PCSK1: variants seen among roughly 807,000 people sequenced by gnomAD.
PCSK1 encodes neuroendocrine convertase 1.
PCSK1 carries 56 observed loss-of-function variants against 90.6 expected under a neutral mutation model. The ratio of observed to expected loss-of-function variants is 0.62; its 90% confidence interval spans 0.50 to 0.77. The LOEUF (loss-of-function observed/expected upper bound fraction) is 0.77. Among genes scored for constraint, PCSK1 ranks in the 30% least tolerant of loss-of-function variants. The pLI, the probability that PCSK1 is intolerant of heterozygous loss-of-function variation, is 0.00. For missense variants in PCSK1, 801 were observed against 932.6 expected (o/e 0.86, Z 1.84); for synonymous variants, 348 against 342.4 (o/e 1.02, Z -0.18).
intron 4 of PCSK1, among the ~76,000 whole-genome samples, chr5:96,422,898 A>C (rs1761172022): frequency 6.7e-6 from 1 of 149,178 alleles, no homozygotes; most frequent in African/African-American, 2.6e-5. Context: ...GCATGGAAGG[A>C]ATCACATTCA....
chr5:96,402,599 G>A (rs1760420209), intron 9 of PCSK1, among the ~76,000 whole-genome samples: 1 of 152,194 alleles, frequency 6.6e-6, no homozygotes, highest in African/African-American at 2.4e-5. Context: ...GCAGTGAGAT[G>A]ACCCTCAAGT....
intron 6 of PCSK1, among the ~76,000 whole-genome samples, chr5:96,413,847 C>T (rs1265262735): frequency 9.8e-5 from 14 of 143,040 alleles, no homozygotes; most frequent in Non-Finnish European, 1.5e-4. Context: ...CGGCCAGGTG[C>T]GGTGGCTCAC....
At position 96,392,868 on chromosome 5, in the gene PCSK1, A is replaced by G; in HGVS notation, c.*133T>C. 1.1e-6 allele frequency: 1 copy of G among 899,504 alleles called. No homozygotes were observed. The highest frequency in any genetic ancestry group is 1.8e-6 in the Non-Finnish European group (1 of 556,500). 55.7% of individuals were successfully genotyped at this position (899,504 alleles called of 1,614,324 possible). ...TCCCCTTCACATGTACAGTTTAGGGAGAAAAAGAAAAGGTGCCACAAAGGA... is the reference window on the plus strand; with the variant it reads ...TCCCCTTCACATGTACAGTTTAGGGGGAAAAAGAAAAGGTGCCACAAAGGA... On this transcript the variant is annotated 3_prime_UTR_variant, in exon 14 of 14. Transcript: ENST00000311106.
intron 6 of PCSK1, among the ~76,000 whole-genome samples, chr5:96,414,952 G>A (rs2112427765): frequency 6.6e-6 from 1 of 152,246 alleles, no homozygotes; most frequent in African/African-American, 2.4e-5. Flanking sequence ...TTTCTAAAAA[G>A]AAATGCATAA....
Position 96,425,816 on chromosome 5 carries a change from T to C in PCSK1, c.396+4A>G. ...ACCCACATAGTCCTTCTGTAGGTAC[T>C]TACCAAGTACCATTGCTGATTCCAC... On this transcript the variant is annotated splice_donor_region_variant and intron_variant, in intron 3 of 13. Coordinates refer to ENST00000311106, the MANE Select transcript of PCSK1 (RefSeq NM_000439.5). 1 of 1,514,786 alleles carries C rather than the reference T, an allele frequency of 6.6e-7. No individual in the cohort carries two copies. Among genetic ancestry groups the C allele is most frequent in the Non-Finnish European group, 9.2e-7 (1 of 1,089,270 alleles). 93.8% of individuals were successfully genotyped at this position (1,514,786 alleles called of 1,614,324 possible).
In PCSK1 at chr5:96,410,895, C is replaced by A; in HGVS notation, c.974G>T (p.Ser325Ile). The A allele has an allele frequency of 6.2e-7, 1 of 1,613,196 alleles. No homozygotes were observed. Among genetic ancestry groups the A allele is most frequent in the Admixed American group, 1.7e-5 (1 of 59,962 alleles). Reference protein sequence around the residue: ...DNCDCDGYTDSIYTISISSAS... With the variant: ...DNCDCDGYTDIIYTISISSAS... ...ACTGCTGATGGAGATGGTGTAGATGCTGTCTGTGTAGCCATCACAGTCACA... is the reference window on the plus strand; with the variant it reads ...ACTGCTGATGGAGATGGTGTAGATGATGTCTGTGTAGCCATCACAGTCACA... The change falls in exon 8 of 14, where the codon AGC (serine) becomes ATC (isoleucine). Residue 325 changes from serine to isoleucine, a missense_variant. Coordinates refer to ENST00000311106, the MANE Select transcript of PCSK1 (RefSeq NM_000439.5).
At chr5:96,395,070 A>G in intron 12 of PCSK1, 45 bp from the exon 13 acceptor site, 1 of 1,426,980 alleles carries the variant, frequency 7.0e-7, no homozygotes, top group Non-Finnish European at 9.9e-7. Context: ...TTTAGATAAT[A>G]TAAAACAAAC....
At chr5:96,429,178 G>C (rs1336489764) in intron 2 of PCSK1, 35 bp downstream of exon 2, 1 of 1,026,914 alleles carries the variant, frequency 9.7e-7, no homozygotes, top group South Asian at 1.3e-5. Flanking sequence ...AGATAAGCTA[G>C]AGTATTGGTT....
chr5:96,403,601 G>T (rs1190578157), intron 9 of PCSK1, among the ~76,000 whole-genome samples: 2 of 152,110 alleles, frequency 1.3e-5, no homozygotes, highest in African/African-American at 4.8e-5. Flanking sequence ...GCATTGAGTG[G>T]CTAATCAAAG....
chr5:96,412,209 T>C (rs751102383), intron 7 of PCSK1, 109 bp downstream of exon 7: 12 of 991,778 alleles, frequency 1.2e-5, no homozygotes, highest in Non-Finnish European at 1.9e-5. Flanking sequence ...AAGGACTTTG[T>C]TAAGAAATCC....
chr5:96,407,588 A>G lies in PCSK1; in HGVS notation c.1196+635T>C, dbSNP rs1194663039. ...CTTGCCCTTTGACCCAGAAATTCCA[A>G]TTCTGAGTGTTTATCCTGAGGAAAT... On this transcript the variant is annotated intron_variant, in intron 9 of 13. Coordinates refer to ENST00000311106, the MANE Select transcript of PCSK1 (RefSeq NM_000439.5). 2.0e-5 allele frequency among the ~76,000 whole-genome samples: 3 copies of G among 152,338 alleles called. No homozygotes were observed. In the East Asian group the frequency reaches 5.8e-4, roughly 29 times the overall value.
At position 96,412,488 on chromosome 5, in the gene PCSK1, T is replaced by C. The variant is rs771175683; in HGVS notation, c.712A>G (p.Ile238Val). The change falls in exon 7 of 14, where the codon ATA becomes GTA. Residue 238 changes from isoleucine to valine, a missense_variant and splice_region_variant. By Grantham distance (29) the Ile-to-Val change is conservative. Coordinates refer to ENST00000311106, the MANE Select transcript of PCSK1 (RefSeq NM_000439.5). The part of the protein sequence containing the change: ...GVAYNSKVGG[I>V]RMLDGIVTDA... ...GTCACAATGCCATCCAGCATTCTTA[T>C]GCCTGAGAAACAAAATAAACAAAGA... The C allele has an allele frequency of 1.9e-6, 3 of 1,613,820 alleles. No individual in the cohort carries two copies. Among genetic ancestry groups the C allele is most frequent in the Admixed American group, 1.7e-5 (1 of 60,016 alleles).
chr5:96,412,515 A>T, intron 6 of PCSK1, 25 bp from the exon 7 acceptor site: 1 of 1,606,156 alleles, frequency 6.2e-7, no homozygotes, highest in Non-Finnish European at 8.5e-7. Flanking sequence ...AAACAAAGAC[A>T]CACAAAGGTT....
chr5:96,397,772 G>A (rs1580745124), intron 11 of PCSK1, among the ~76,000 whole-genome samples: 1 of 151,730 alleles, frequency 6.6e-6, no homozygotes, highest in Non-Finnish European at 1.5e-5. Context: ...AGGAAAACTC[G>A]GCGAACTACA....
chr5:96,409,227 C>G (rs760146393), intron 8 of PCSK1, among the ~76,000 whole-genome samples: 6 of 152,122 alleles, frequency 3.9e-5, no homozygotes, highest in Non-Finnish European at 7.4e-5. Flanking sequence ...TAACAAGACA[C>G]CCACCCAGGC....
At chr5:96,416,010 A>C (rs1397174363) in intron 6 of PCSK1, 23 bp downstream of exon 6, 1 of 1,457,160 alleles carries the variant, frequency 6.9e-7, no homozygotes, top group Non-Finnish European at 9.6e-7. Flanking sequence ...ATGCCAAGCT[A>C]TAGGGACAAT....
Position 96,393,073 on chromosome 5 carries a change from G to C in PCSK1, c.2190C>G (p.Asn730Lys). 6.2e-7 allele frequency: 1 copy of C among 1,613,990 alleles called. No homozygotes were observed. The highest frequency in any genetic ancestry group is 1.1e-5 in the South Asian group (1 of 91,084). ...LYNDYVDVFY[N>K]TKPYKHRDDR... ...CGTCTCTGTGCTTGTAAGGTTTAGT[G>C]TTATAAAAAACATCAACATAGTCAT... Residue 730 changes from asparagine (N) to lysine (K), a missense_variant, in exon 14 of 14, where the codon AAC (asparagine) becomes AAG (lysine). Coordinates refer to ENST00000311106, the MANE Select transcript of PCSK1 (RefSeq NM_000439.5).
intron 8 of PCSK1, among the ~76,000 whole-genome samples, chr5:96,409,350 C>T (rs1225244458): frequency 6.6e-6 from 1 of 152,174 alleles, no homozygotes; most frequent in Non-Finnish European, 1.5e-5. Context: ...CTGAATTTCT[C>T]AAGTTATGAT....
chr5:96,391,262 A>G lies in PCSK1; in HGVS notation c.*1739T>C, dbSNP rs1057161758. 6.6e-6 allele frequency: 1 copy of G among 152,208 alleles called. No individual in the cohort carries two copies. Among genetic ancestry groups the G allele is most frequent in the Non-Finnish European group, 1.5e-5 (1 of 68,048 alleles). The allele number at this position is 152,208 out of a possible 1,614,324, so 9.4% of individuals were successfully genotyped here. A position where few individuals can be genotyped will look rare whatever the true frequency, so the allele number is the denominator to read the frequency against. ...AGAAGAGCAGGTGAAAATTTGTGTT[A>G]CCAACCATACTTCAAGCCAAAGCAA... On this transcript the variant is annotated 3_prime_UTR_variant, in exon 14 of 14. Coordinates refer to ENST00000311106, the MANE Select transcript of PCSK1 (RefSeq NM_000439.5).
Sources: allele counts gnomAD v4.1 joint callset (sites outside exome capture counted in the v4.1 genomes callset), GRCh38; gene constraint gnomAD v4.1.1; transcripts MANE v1.5; gene names NCBI Gene and HGNC (gene_info 2026-07-23, HGNC 2026-07-21).